KANK1: variants seen among roughly 807,000 people sequenced by gnomAD.
KANK1 encodes KN motif and ankyrin repeat domain-containing protein 1.
A neutral mutation model predicts 106.2 loss-of-function variants in KANK1; 109 were observed. That is an observed-to-expected ratio of 1.03 (90% CI 0.88 to 1.20). The LOEUF is 1.20. Ranked by LOEUF, KANK1 falls within the 50% of genes most tolerant of loss-of-function variation. The pLI is 0.00. For missense variants in KANK1, 2,399 were observed against 1,710.7 expected (o/e 1.40, Z -7.10); for synonymous variants, 873 against 652.2 (o/e 1.34, Z -5.16).
At chr9:572,640 C>T (rs2134914314) in intron 1 of KANK1, among the ~76,000 whole-genome samples, 1 of 152,284 alleles carries the variant, frequency 6.6e-6, no homozygotes, top group Non-Finnish European at 1.5e-5. Context: ...ATCCTCCTGC[C>T]ATGGCCTCCC....
chr9:578,749 G>T (rs1330659485), intron 1 of KANK1, among the ~76,000 whole-genome samples: 1 of 152,090 alleles, frequency 6.6e-6, no homozygotes, highest in Non-Finnish European at 1.5e-5. Flanking sequence ...GGATGTTTAT[G>T]GGAGAAATTA....
intron 1 of KANK1, among the ~76,000 whole-genome samples, chr9:612,165 A>C (rs992963946): frequency 6.6e-6 from 1 of 152,222 alleles, no homozygotes; most frequent in African/African-American, 2.4e-5. Flanking sequence ...CACTTTGTTA[A>C]TAGGAAACTA....
intron 1 of KANK1, among the ~76,000 whole-genome samples, chr9:580,426 T>G (rs765195916): frequency 6.6e-6 from 1 of 152,104 alleles, no homozygotes; most frequent in Non-Finnish European, 1.5e-5. Context: ...GCATCTGCTT[T>G]TATTCTCTTA....
intron 1 of KANK1, among the ~76,000 whole-genome samples, chr9:643,635 C>T (rs1838995339): frequency 6.9e-6 from 1 of 144,456 alleles, no homozygotes; most frequent in Non-Finnish European, 1.5e-5. Context: ...CTGCATAGGC[C>T]TTCCAAAGTG....
At chr9:690,133 C>CAAAAAAAAAAAAA (rs57837964) in intron 2 of KANK1, among the ~76,000 whole-genome samples, 178 of 61,386 alleles carry the variant, frequency 2.9e-3, no homozygotes, top group Non-Finnish European at 4.0e-3. Context: ...TCTAAAAATA[C>CAAAAAAAAAAAAA]AAAAAAAAAA....
intron 3 of KANK1, among the ~76,000 whole-genome samples, chr9:485,391 C>T (rs1399437671): frequency 6.6e-6 from 1 of 152,016 alleles, no homozygotes; most frequent in African/African-American, 2.4e-5. Context: ...TCAAAGTAAC[C>T]ACAAAAATCT....
intron 1 of KANK1, among the ~76,000 whole-genome samples, chr9:631,785 G>C (rs533812578): frequency 9.9e-5 from 15 of 152,172 alleles, no homozygotes; most frequent in South Asian, 2.1e-4. Context: ...CTTTGCATCT[G>C]CTCTGGGTGC....
At chr9:528,473 T>TTA (rs2059907659) in intron 1 of KANK1, among the ~76,000 whole-genome samples, 1 of 60,382 alleles carries the variant, frequency 1.7e-5, no homozygotes, top group Admixed American at 2.0e-4. Context: ...AAATAACTTT[T>TTA]TTTTTTTTTT....
rs530578348 is a variant in KANK1, at chr9:740,860, G to A, written c.3622G>A (p.Val1208Met). The A allele has an allele frequency of 1.9e-5, 31 of 1,614,080 alleles. No homozygotes were observed. In the South Asian group the frequency reaches 2.9e-4, roughly 15 times the overall value. ...TPIMLAALAA[V>M]EAEKDMRIVE... is the part of the protein sequence containing the mutation. ...CATCATGTTGGCGGCCCTCGCCGCT[G>A]TGGAAGCAGAGAAGGACATGCGGAT... The change falls in exon 9 of 12, where the codon GTG (valine) becomes ATG (methionine). Residue 1208 changes from valine (V) to methionine (M), a missense_variant. By Grantham distance (21) the Val-to-Met change is conservative. Transcript: ENST00000382297.
rs546818053 is a variant in KANK1 at position 598,907 on chromosome 9, C to T, written c.-83-77983C>T. 7.0e-4 allele frequency among the ~76,000 whole-genome samples: 104 copies of T among 148,570 alleles called. 2 individuals carry two copies. Among genetic ancestry groups the T allele is most frequent in the Admixed American group, 5.3e-3 (80 of 15,040 alleles). ...TCCATCTCCCAAAGTGCTAGAATTA[C>T]GGGCATGAGCCACCATGCCCGGCCA... On this transcript the variant is annotated intron_variant, in intron 1 of 11. Coordinates refer to ENST00000382297, the MANE Select transcript of KANK1 (RefSeq NM_015158.5).
intron 2 of KANK1, among the ~76,000 whole-genome samples, chr9:706,395 A>G (rs1025207996): frequency 1.3e-5 from 2 of 152,212 alleles, no homozygotes; most frequent in African/African-American, 4.8e-5. Context: ...AACTGTGATA[A>G]GTTTTGTTGT....
At chr9:563,801 G>A (rs1251062877) in intron 1 of KANK1, among the ~76,000 whole-genome samples, 7 of 152,116 alleles carry the variant, frequency 4.6e-5, no homozygotes, top group Admixed American at 2.0e-4. Flanking sequence ...AGTTCAGCCC[G>A]GATAGTTTAT....
chr9:596,666 ATTACT>A (rs1826299044), intron 1 of KANK1, among the ~76,000 whole-genome samples: 1 of 151,758 alleles, frequency 6.6e-6, no homozygotes, highest in Non-Finnish European at 1.5e-5. Flanking sequence ...GTCCACCATC[ATTACT>A]TTACCAGTTC....
At chr9:713,562 GA>G in intron 3 of KANK1, 98 bp downstream of exon 3, 2 of 1,323,134 alleles carry the variant, frequency 1.5e-6, no homozygotes, top group Non-Finnish European at 2.1e-6. Flanking sequence ...ACCATTTTTG[GA>G]GGAGAAATGG....
rs750424165 is a variant in KANK1 at position 713,427 on chromosome 9, C to T, written c.2661C>T (p.Asn887=). The T allele has an allele frequency of 2.5e-6, 4 of 1,603,740 alleles. No homozygotes were observed. Among genetic ancestry groups the T allele is most frequent in the Middle Eastern group, 1.7e-4 (1 of 5,906 alleles). Residue 887 remains asparagine, a synonymous_variant, in exon 3 of 12, where the codon AAC becomes AAT. Transcript: ENST00000382297. The part of the protein sequence containing the change: ...MKSASTEELR[N]PDFQKTSLGK... ...CTGCAAGCACTGAAGAGCTGAGGAA[C>T]CCTGACTTCCAGAAAACCAGTCTGG...
chr9:553,208 G>A (rs1447657767), intron 1 of KANK1, among the ~76,000 whole-genome samples: 2 of 152,154 alleles, frequency 1.3e-5, no homozygotes, highest in East Asian at 1.9e-4. Flanking sequence ...TCAGGTGGTT[G>A]CAATGAAAAG....
chr9:620,742 A>G (rs1362517293), intron 1 of KANK1, among the ~76,000 whole-genome samples: 3 of 152,180 alleles, frequency 2.0e-5, no homozygotes, highest in Non-Finnish European at 2.9e-5. Context: ...TAAATTTTCA[A>G]AAACCAATTT....
At position 713,325 on chromosome 9, in the gene KANK1, G is replaced by T; in HGVS notation, c.2559G>T (p.Gly853=). The T allele has an allele frequency of 1.2e-6, 2 of 1,614,164 alleles. No individual in the cohort carries two copies. Among genetic ancestry groups the T allele is most frequent in the Non-Finnish European group, 1.7e-6 (2 of 1,180,028 alleles). Residue 853 remains glycine, a synonymous_variant, in exon 3 of 12, where the codon GGG becomes GGT. Coordinates refer to ENST00000382297, the MANE Select transcript of KANK1 (RefSeq NM_015158.5). ...ACAGTGAACTGGCAGAAGCTTTCGG[G>T]GAACCTCACTCACAGATGGGCTCCC... ...ENYSELAEAF[G]EPHSQMGSLN... is the part of the protein sequence containing the mutation.
intron 1 of KANK1, among the ~76,000 whole-genome samples, chr9:605,507 G>A (rs1397066515): frequency 6.6e-6 from 1 of 151,670 alleles, no homozygotes; most frequent in Non-Finnish European, 1.5e-5. Context: ...AACCAGTGAA[G>A]TCCTCCTGCT....
Sources: allele counts gnomAD v4.1 joint callset (sites outside exome capture counted in the v4.1 genomes callset), GRCh38; gene constraint gnomAD v4.1.1; transcripts MANE v1.5; gene names NCBI Gene and HGNC (gene_info 2026-07-23, HGNC 2026-07-21).